UBE2K: variants seen among roughly 807,000 people sequenced by gnomAD.
UBE2K encodes ubiquitin-conjugating enzyme E2 K.
A neutral mutation model predicts 30.0 loss-of-function variants in UBE2K; 6 were observed. That is an observed-to-expected ratio of 0.20 (90% CI 0.11 to 0.39). The LOEUF (loss-of-function observed/expected upper bound fraction) is 0.39, where lower values mean the gene tolerates loss of function less well. Among genes scored for constraint, UBE2K ranks in the 10% least tolerant of loss-of-function variants. The pLI is 1.00. For synonymous variants in UBE2K, 86 were observed against 83.7 expected (o/e 1.03, Z -0.15); for missense variants, 61 against 241.6 (o/e 0.25, Z 4.96).
chr4:39,721,038 C>T (rs1719393526), intron 1 of UBE2K, among the ~76,000 whole-genome samples: 3 of 152,134 alleles, frequency 2.0e-5, no homozygotes, highest in African/African-American at 7.2e-5. Flanking sequence ...TGAGCCCCTG[C>T]CTGGCCAACT....
chr4:39,700,167 T>C (rs928623171), intron 1 of UBE2K, among the ~76,000 whole-genome samples: 2 of 152,268 alleles, frequency 1.3e-5, no homozygotes, highest in Middle Eastern at 3.4e-3. Context: ...GTGGTCTCTT[T>C]GCTTTTTATG....
intron 3 of UBE2K, among the ~76,000 whole-genome samples, chr4:39,754,987 C>T: frequency 6.6e-6 from 1 of 152,128 alleles, no homozygotes; most frequent in Non-Finnish European, 1.5e-5. Flanking sequence ...AGCATTTTCA[C>T]TTGTTGGTTT....
intron 1 of UBE2K, among the ~76,000 whole-genome samples, chr4:39,702,004 G>T (rs1017045477): frequency 2.0e-5 from 3 of 151,302 alleles, no homozygotes; most frequent in Admixed American, 6.6e-5. Context: ...CAAGTGATCC[G>T]CCTGCCTCAA....
chr4:39,760,800 T>C (rs1711885287), intron 4 of UBE2K, among the ~76,000 whole-genome samples: 1 of 151,556 alleles, frequency 6.6e-6, no homozygotes, highest in South Asian at 2.1e-4. Flanking sequence ...TTAAAAAAAA[T>C]TAAAACAAAT....
At chr4:39,774,607 C>T (rs560722104) in intron 4 of UBE2K, among the ~76,000 whole-genome samples, 2 of 151,030 alleles carry the variant, frequency 1.3e-5, no homozygotes, top group Non-Finnish European at 2.9e-5. Context: ...AGCCAGACTC[C>T]GTCTCAGGGG....
chr4:39,754,552 C>T (rs952405726), intron 3 of UBE2K, among the ~76,000 whole-genome samples: 4 of 152,080 alleles, frequency 2.6e-5, no homozygotes, highest in Admixed American at 6.6e-5. Context: ...GTTCTGTTGC[C>T]CAGGCTGTAG....
chr4:39,774,754 T>G (rs193288981), intron 4 of UBE2K, 80 bp from the exon 5 acceptor site: 21 of 783,624 alleles, frequency 2.7e-5, no homozygotes, highest in Middle Eastern at 2.9e-4. Context: ...TCTACAATTT[T>G]TTAATTTTTA....
chr4:39,702,459 G>T (rs565418448), intron 1 of UBE2K, among the ~76,000 whole-genome samples: 68 of 151,542 alleles, frequency 4.5e-4, no homozygotes, highest in Non-Finnish European at 8.5e-4. Flanking sequence ...TCTCCATGTT[G>T]GTCAGGCTGG....
chr4:39,727,249 G>C (rs1338688863), intron 1 of UBE2K, among the ~76,000 whole-genome samples: 2 of 152,188 alleles, frequency 1.3e-5, no homozygotes, highest in Non-Finnish European at 2.9e-5. Context: ...GGAAAAACAT[G>C]GACAACAAAG....
At chr4:39,714,544 A>ATTTTTTTTTTTTTTTTT (rs1337587267) in intron 1 of UBE2K, 3 of 21,088 alleles carry the variant, frequency 1.4e-4, no homozygotes, top group Non-Finnish European at 2.1e-4. Flanking sequence ...ATATATATAT[A>ATTTTTTTTTTTTTTTTT]TATATATTTT....
intron 1 of UBE2K, among the ~76,000 whole-genome samples, chr4:39,717,775 T>G (rs1217862602): frequency 6.6e-6 from 1 of 152,098 alleles, no homozygotes; most frequent in Non-Finnish European, 1.5e-5. Flanking sequence ...GTTTGTTCCT[T>G]CTGATGTTCG....
chr4:39,756,315 A>G (rs939028636), intron 4 of UBE2K, among the ~76,000 whole-genome samples: 3 of 152,232 alleles, frequency 2.0e-5, no homozygotes, highest in African/African-American at 7.2e-5. Flanking sequence ...ACCAAGCTGC[A>G]TGGTTATGAG....
intron 2 of UBE2K, among the ~76,000 whole-genome samples, chr4:39,740,714 T>C (rs1460262241): frequency 1.3e-5 from 2 of 148,796 alleles, no homozygotes; most frequent in Non-Finnish European, 1.5e-5. Flanking sequence ...TACAAAAAAA[T>C]TAGCCAGGCG....
chr4:39,757,468 GT>G (rs33928368), intron 4 of UBE2K, among the ~76,000 whole-genome samples: 123,678 of 150,982 alleles, frequency 0.82, 51,030 homozygotes, highest in East Asian at 0.92. Flanking sequence ...GTTTTGTTTT[GT>G]TTTTTTTTTC....
intron 1 of UBE2K, among the ~76,000 whole-genome samples, chr4:39,711,976 G>A (rs1718715241): frequency 6.6e-6 from 1 of 151,544 alleles, no homozygotes; most frequent in Non-Finnish European, 1.5e-5. Flanking sequence ...GGGAGGCAGA[G>A]GTTGCATTAA....
chr4:39,734,127 A>G (rs1314863526), intron 1 of UBE2K, among the ~76,000 whole-genome samples: 1 of 135,108 alleles, frequency 7.4e-6, no homozygotes. Flanking sequence ...TTTTTTTGAG[A>G]CAGAGTCTCA....
chr4:39,750,626 TCAAA>T (rs999194223), intron 3 of UBE2K, among the ~76,000 whole-genome samples: 4 of 151,772 alleles, frequency 2.6e-5, no homozygotes, highest in Non-Finnish European at 4.4e-5. Flanking sequence ...ACTCATAGCC[TCAAA>T]CAGTCTTCCC....
chr4:39,737,812 C>A (rs1362908833), intron 2 of UBE2K, among the ~76,000 whole-genome samples: 1 of 152,134 alleles, frequency 6.6e-6, no homozygotes, highest in Non-Finnish European at 1.5e-5. Flanking sequence ...ATCATATGGA[C>A]TGTAGACACT....
intron 4 of UBE2K, chr4:39,771,225 C>A (rs762538774): frequency 6.2e-7 from 1 of 1,612,212 alleles, no homozygotes; most frequent in Non-Finnish European, 8.5e-7. Flanking sequence ...TCAGGGAGAC[C>A]TGCAGCTCCG....
Sources: gnomAD v4.1 joint callset for allele counts (sites outside exome capture counted in the v4.1 genomes callset) on GRCh38, gnomAD v4.1.1 for gene constraint, MANE v1.5 for transcripts, NCBI Gene and HGNC (gene_info 2026-07-23, HGNC 2026-07-21) for gene names.